The following HDX variants were observed in gnomAD, a reference collection of about 807,000 sequenced individuals.
HDX encodes chromosome X open reading frame 43.
HDX carries 19 observed loss-of-function variants against 45.2 expected under a neutral mutation model. The observed-to-expected ratio is 0.42, with a 90% CI of 0.29 to 0.62. The LOEUF is 0.62. Among genes scored for constraint, HDX ranks in the 20% least tolerant of loss-of-function variants. The probability of loss-of-function intolerance (pLI) is 0.20; values close to 1 mark genes in which losing one functional copy is unlikely to be tolerated. For synonymous variants in HDX, 188 were observed against 172.8 expected, an observed-to-expected ratio of 1.09 and a Z score of -0.69; for missense variants, 532 against 493.9, an observed-to-expected ratio of 1.08 and a Z score of -0.73.
chrX:84,367,975 T>C lies in HDX; in HGVS notation c.1306-6363A>G, dbSNP rs186049089. Among the ~76,000 whole-genome samples the C allele has an allele frequency of 8.6e-4, 96 of 111,920 alleles. 2 individuals carry two copies. The highest frequency in any genetic ancestry group is 3.0e-3 in the South Asian group (8 of 2,667). ...GTAACAAATCTGCACGTTCTGCACA[T>C]GTATCCCAGAACTTAAAGTATAATT... On this transcript the variant is annotated intron_variant, in intron 5 of 10. Transcript: ENST00000373177.
At chrX:84,432,857 T>A (rs1183977176) in intron 5 of HDX, among the ~76,000 whole-genome samples, 1 of 110,747 alleles carries the variant, frequency 9.0e-6, no homozygotes, top group Non-Finnish European at 1.9e-5. Flanking sequence ...CTTCCAGCAC[T>A]ATGTTGAATA....
intron 5 of HDX, among the ~76,000 whole-genome samples, chrX:84,373,708 A>C (rs1017269912): frequency 9.0e-6 from 1 of 110,675 alleles, no homozygotes; most frequent in African/African-American, 3.3e-5. Context: ...AAATTCAACA[A>C]CTCTTCATGC....
chrX:84,370,078 G>T (rs1380220149), intron 5 of HDX, among the ~76,000 whole-genome samples: 1 of 111,755 alleles, frequency 8.9e-6, no homozygotes, highest in Non-Finnish European at 1.9e-5. Flanking sequence ...ATGTGAATGG[G>T]CCTCATCTAT....
At chrX:84,361,753 G>A (rs757132970) in intron 5 of HDX, 141 bp from the exon 6 acceptor site, 3 of 382,965 alleles carry the variant, frequency 7.8e-6, no homozygotes, top group Admixed American at 5.4e-5. Context: ...CAGTCCTCCC[G>A]TTCTGAAAAT....
intron 2 of HDX, among the ~76,000 whole-genome samples, chrX:84,478,079 C>T (rs983010576): frequency 2.5e-4 from 28 of 112,029 alleles, no homozygotes; most frequent in African/African-American, 8.1e-4. Context: ...TTGTCTACTA[C>T]TCTGGGTTGA....
chrX:84,419,705 G>T (rs191572035), intron 5 of HDX, among the ~76,000 whole-genome samples: 8 of 111,950 alleles, frequency 7.1e-5, no homozygotes, highest in African/African-American at 2.6e-4. Flanking sequence ...GCAGGACTTA[G>T]GTGATACCCA....
intron 5 of HDX, among the ~76,000 whole-genome samples, chrX:84,367,412 A>T (rs2037785230): frequency 8.9e-6 from 1 of 112,199 alleles, no homozygotes; most frequent in African/African-American, 3.2e-5. Context: ...GGGAGTGTAA[A>T]TTAGTTCAAC....
intron 4 of HDX, among the ~76,000 whole-genome samples, chrX:84,467,947 C>T (rs2040383570): frequency 8.9e-6 from 1 of 112,040 alleles, no homozygotes; most frequent in African/African-American, 3.2e-5. Context: ...TGACTACTCT[C>T]TCACTTAATG....
chrX:84,400,536 G>A (rs192463390), intron 5 of HDX, among the ~76,000 whole-genome samples: 76 of 110,115 alleles, frequency 6.9e-4, no homozygotes, highest in African/African-American at 2.5e-3. Context: ...ACAGACCACA[G>A]CTCAAAGAAA....
chrX:84,417,812 G>T (rs1477010009), intron 5 of HDX, among the ~76,000 whole-genome samples: 1 of 111,925 alleles, frequency 8.9e-6, no homozygotes, highest in Non-Finnish European at 1.9e-5. Flanking sequence ...GCATAGTCTG[G>T]ATGCTTGGGG....
intron 2 of HDX, among the ~76,000 whole-genome samples, chrX:84,486,276 C>A (rs562251145): frequency 9.0e-6 from 1 of 111,218 alleles, no homozygotes; most frequent in African/African-American, 3.3e-5. Flanking sequence ...TATCTAGGTA[C>A]CTTTTCCCTC....
At chrX:84,384,930 C>G (rs2038273031) in intron 5 of HDX, among the ~76,000 whole-genome samples, 1 of 110,326 alleles carries the variant, frequency 9.1e-6, no homozygotes, top group African/African-American at 3.3e-5. Flanking sequence ...GTTCCTGTAG[C>G]CTTACAGTAT....
At chrX:84,470,492 A>G (rs759595145) in intron 3 of HDX, among the ~76,000 whole-genome samples, 12 of 111,801 alleles carry the variant, frequency 1.1e-4, no homozygotes, top group Admixed American at 9.5e-4. Flanking sequence ...GTAATTTTCT[A>G]CTAAAGTCAA....
In HDX at chrX:84,321,550, G is replaced by A; in HGVS notation, c.*339C>T. ...CAAAAACAAGACTAATCAAGCTGTA[G>A]CAACTTGATAAGCAATGCTGAAATG... is the stretch of plus-strand genomic sequence containing the variant. On this transcript the variant is annotated 3_prime_UTR_variant, in exon 11 of 11. Transcript: ENST00000373177. 8.3e-6 allele frequency: 1 copy of A among 120,563 alleles called. No homozygotes were observed. Among genetic ancestry groups the A allele is most frequent in the East Asian group, 2.4e-4 (1 of 4,112 alleles). The allele number at this position is 120,563 out of a possible 1,213,427, so 9.9% of individuals were successfully genotyped here.
intron 5 of HDX, among the ~76,000 whole-genome samples, chrX:84,430,785 C>G: frequency 9.1e-6 from 1 of 109,601 alleles, no homozygotes; most frequent in Middle Eastern, 4.7e-3. Context: ...TAATGTTGAA[C>G]ATTTTTTCAT....
rs1276987965 is a variant in HDX, at chrX:84,322,882, T to C, written c.1948-868A>G. ...AGAATAATGTAGCATATCTGGCAAT[T>C]TTTAGACAGTATTACTTGTAATGTG... On this transcript the variant is annotated intron_variant, in intron 10 of 10. Transcript: ENST00000373177. Among the ~76,000 whole-genome samples the C allele has an allele frequency of 3.6e-5, 4 of 111,015 alleles. No individual in the cohort carries two copies. The Admixed American group carries it at 3.9e-4, about 11-fold the overall frequency.
chrX:84,416,764 C>T (rs770063851), intron 5 of HDX, among the ~76,000 whole-genome samples: 2 of 111,582 alleles, frequency 1.8e-5, no homozygotes, highest in South Asian at 7.4e-4. Flanking sequence ...TTTTATTTAA[C>T]TTCATGTATC....
At chrX:84,422,098 T>G (rs1391014573) in intron 5 of HDX, among the ~76,000 whole-genome samples, 1 of 111,100 alleles carries the variant, frequency 9.0e-6, no homozygotes, top group East Asian at 2.8e-4. Context: ...ACACTCTTTT[T>G]CTCAGCACAT....
intron 6 of HDX, among the ~76,000 whole-genome samples, chrX:84,347,461 T>C (rs1602284789): frequency 9.0e-6 from 1 of 111,658 alleles, no homozygotes; most frequent in East Asian, 2.8e-4. Context: ...TCAGCACTAC[T>C]TATCTGCATC....
Sources: allele counts gnomAD v4.1 joint callset (sites outside exome capture counted in the v4.1 genomes callset), GRCh38; gene constraint gnomAD v4.1.1; transcripts MANE v1.5; gene names NCBI Gene and HGNC (gene_info 2026-07-23, HGNC 2026-07-21).